PDGFA: variants seen among roughly 807,000 people sequenced by gnomAD.
PDGFA encodes the protein platelet-derived growth factor subunit A.
Under a neutral mutation model 25.6 loss-of-function variants are expected in PDGFA, and 9 were observed. That is an observed-to-expected ratio of 0.35 (90% CI 0.21 to 0.61). The LOEUF is 0.61. Among genes scored for constraint, PDGFA ranks in the 20% least tolerant of loss-of-function variants. The pLI, the probability that PDGFA is intolerant of heterozygous loss-of-function variation, is 0.75. For missense variants in PDGFA, 242 were observed against 272.8 expected (o/e 0.89, Z 0.79); for synonymous variants, 133 against 111.8 (o/e 1.19, Z -1.20).
At chr7:498,103 C>G (rs754840097) in exon 6 of PDGFA, 2 of 159,128 alleles carry the variant, frequency 1.3e-5, no homozygotes, top group African/African-American at 2.4e-5. Context: ...CTGCTTCCTG[C>G]GGGCCCCTGC....
Position 500,947 on chromosome 7 carries a change from C to T in PDGFA, c.580+169G>A, listed in dbSNP as rs779027944. The stretch of plus-strand genomic sequence containing the variant: ...ACCGGACACCTGCAGGTGTGGGATC[C>T]GTCTCCCCCGCAGGCATCTGGCCCG... On this transcript the variant is annotated intron_variant, in intron 5 of 5. Transcript: ENST00000402802. This position sits in a 1 kb window ranked among gnomAD's most constrained non-coding sequence, Gnocchi z 5.0. The T allele has an allele frequency of 1.1e-5, 17 of 1,592,992 alleles. 1 individual carries two copies. Among genetic ancestry groups the T allele is most frequent in the Admixed American group, 8.4e-5 (5 of 59,354 alleles).
chr7:504,969 G>A (rs189782964), intron 4 of PDGFA, among the ~76,000 whole-genome samples: 41 of 152,352 alleles, frequency 2.7e-4, no homozygotes, highest in African/African-American at 4.8e-4. Flanking sequence ...ACGGCCGCTC[G>A]TCTGGGAACC....
intron 2 of PDGFA, among the ~76,000 whole-genome samples, chr7:513,764 C>A (rs761134204): frequency 2.0e-5 from 3 of 152,160 alleles, no homozygotes; most frequent in Non-Finnish European, 2.9e-5. Flanking sequence ...CCTCAGCTTC[C>A]TCCGCACCCC....
intron 2 of PDGFA, among the ~76,000 whole-genome samples, chr7:515,165 A>C (rs1306097896): frequency 1.3e-5 from 2 of 152,226 alleles, no homozygotes; most frequent in Non-Finnish European, 2.9e-5. Context: ...CCTAATGCCA[A>C]GAACATCAGC....
upstream of PDGFA, chr7:520,009 C>T (rs1434753695): frequency 4.0e-5 from 15 of 378,802 alleles, no homozygotes; most frequent in Non-Finnish European, 6.3e-5. Context: ...CGGGCGCCGC[C>T]GCCGCGGCAG....
In PDGFA at chr7:500,767, C is replaced by T; in HGVS notation, c.580+349G>A. On this transcript the variant is annotated intron_variant, in intron 5 of 5. Coordinates refer to ENST00000402802, the Ensembl canonical transcript of PDGFA. This position sits in a 1 kb window ranked among gnomAD's most constrained non-coding sequence, Gnocchi z 5.0. ...GCAACTGCAGTCCTCGAACCTGCTCCTCCCGCCCACCCTGGCAGGAGGCCC... is the reference window on the plus strand; with the variant it reads ...GCAACTGCAGTCCTCGAACCTGCTCTTCCCGCCCACCCTGGCAGGAGGCCC... The T allele has an allele frequency of 6.9e-7, 1 of 1,440,918 alleles. No homozygotes were observed. Among genetic ancestry groups the T allele is most frequent in the Non-Finnish European group, 9.1e-7 (1 of 1,099,768 alleles). The allele number at this position is 1,440,918 out of a possible 1,614,324, so 89.3% of individuals were successfully genotyped here.
chr7:510,715 AG>A, intron 4 of PDGFA, 93 bp downstream of exon 4: 3 of 355,928 alleles, frequency 8.4e-6, no homozygotes, highest in Non-Finnish European at 1.5e-5. Flanking sequence ...TGGGGAGGGG[AG>A]GGGAGGGGAG....
chr7:518,238 G>C (rs1338706811), intron 1 of PDGFA, among the ~76,000 whole-genome samples: 1 of 152,162 alleles, frequency 6.6e-6, no homozygotes, highest in Non-Finnish European at 1.5e-5. Context: ...CGATTTTTAA[G>C]GAGAGTCGGG....
intron 4 of PDGFA, among the ~76,000 whole-genome samples, chr7:507,725 G>A (rs1158860996): frequency 6.6e-6 from 1 of 152,150 alleles, no homozygotes; most frequent in African/African-American, 2.4e-5. Flanking sequence ...ATATAACCAG[G>A]GAGGATGCCA....
chr7:513,625 G>C (rs1782963367), intron 2 of PDGFA, among the ~76,000 whole-genome samples: 1 of 152,130 alleles, frequency 6.6e-6, no homozygotes, highest in East Asian at 1.9e-4. Flanking sequence ...TGGGAAGCTT[G>C]GGAAGTCCCG....
At position 517,339 on chromosome 7, in the gene PDGFA, C is replaced by T; in HGVS notation, c.160+55G>A. ...CCCCGCCCGGCCCCAGCTCGGGGCGCACAGGCCGCCCGCCCGCGCCCTCCC... is the reference window on the plus strand; with the variant it reads ...CCCCGCCCGGCCCCAGCTCGGGGCGTACAGGCCGCCCGCCCGCGCCCTCCC... On this transcript the variant is annotated intron_variant, in intron 2 of 5. Coordinates refer to ENST00000402802, the Ensembl canonical transcript of PDGFA. The surrounding 1 kb of genome is among the most constrained non-coding windows in gnomAD (Gnocchi z 7.4). 1 of 851,642 alleles carries T rather than the reference C, an allele frequency of 1.2e-6. No homozygotes were observed. The highest frequency in any genetic ancestry group is 3.7e-4 in the Middle Eastern group (1 of 2,686). 52.8% of individuals were successfully genotyped at this position (851,642 alleles called of 1,614,324 possible).
chr7:505,206 C>T (rs1264123609), intron 4 of PDGFA, among the ~76,000 whole-genome samples: 1 of 152,166 alleles, frequency 6.6e-6, no homozygotes, highest in Non-Finnish European at 1.5e-5. Context: ...CCTCAGGACC[C>T]CCACGGGGGG....
chr7:500,293 C>G lies in PDGFA; in HGVS notation c.580+823G>C. 1.1e-6 allele frequency: 1 copy of G among 928,510 alleles called. No homozygotes were observed. The highest frequency in any genetic ancestry group is 1.7e-6 in the Non-Finnish European group (1 of 601,630). 57.5% of individuals were successfully genotyped at this position (928,510 alleles called of 1,614,324 possible). On this transcript the variant is annotated intron_variant, in intron 5 of 5. Transcript: ENST00000402802. This position sits in a 1 kb window ranked among gnomAD's most constrained non-coding sequence, Gnocchi z 5.0. ...GGACGGGGAGCAAGGAGACCCAAGCCCAGCAGACACCATCAAGGCCAATCA... is the reference window on the plus strand; with the variant it reads ...GGACGGGGAGCAAGGAGACCCAAGCGCAGCAGACACCATCAAGGCCAATCA...
At chr7:505,577 G>C (rs1220595684) in intron 4 of PDGFA, among the ~76,000 whole-genome samples, 1 of 152,170 alleles carries the variant, frequency 6.6e-6, no homozygotes, top group Non-Finnish European at 1.5e-5. Flanking sequence ...CCAAGACAGA[G>C]TATTAGCCAT....
chr7:519,093 T>C lies in PDGFA; in HGVS notation c.-92A>G, dbSNP rs982267554. On this transcript the variant is annotated 5_prime_UTR_variant, in exon 1 of 6. The change abolishes an upstream ATG in the 5' untranslated region. Coordinates refer to ENST00000402802, the Ensembl canonical transcript of PDGFA. The stretch of plus-strand genomic sequence containing the variant: ...CCTGTGGCGGCGAAATTCAGTACCA[T>C]CCCTTAGGGAGCGCGGCCCGGAGGA... The C allele has an allele frequency of 2.2e-6, 2 of 930,156 alleles. No homozygotes were observed. The highest frequency in any genetic ancestry group is 3.1e-6 in the Non-Finnish European group (2 of 640,210). 57.6% of individuals were successfully genotyped at this position (930,156 alleles called of 1,614,324 possible). A position where few individuals can be genotyped will look rare whatever the true frequency, so the allele number is the denominator to read the frequency against.
intron 3 of PDGFA, among the ~76,000 whole-genome samples, chr7:511,756 C>G (rs372382240): frequency 3.4e-4 from 52 of 151,954 alleles, no homozygotes; most frequent in Non-Finnish European, 6.9e-4. Flanking sequence ...CTGAACTCCC[C>G]AAACCTGCTA....
At chr7:519,914 GCCCCCCC>G (rs758427523), upstream of PDGFA, 1 of 59,406 alleles carries the variant, frequency 1.7e-5, no homozygotes. Context: ...CCCCGCCCCC[GCCCCCCC>G]CCCCCGCCTC....
chr7:499,441 C>T (rs997585039), intron 5 of PDGFA, among the ~76,000 whole-genome samples: 1 of 152,220 alleles, frequency 6.6e-6, no homozygotes. Context: ...TTTGTTTTGG[C>T]CACCATGGAG....
intron 5 of PDGFA, among the ~76,000 whole-genome samples, chr7:499,858 T>A (rs1472389657): frequency 6.6e-6 from 1 of 151,718 alleles, no homozygotes; most frequent in Admixed American, 6.6e-5. Flanking sequence ...TGATGATACC[T>A]CAAGACTACC....
Sources: allele counts gnomAD v4.1 joint callset (sites outside exome capture counted in the v4.1 genomes callset), GRCh38; gene constraint gnomAD v4.1.1; non-coding constraint Gnocchi (gnomAD v3.1); transcripts MANE v1.5; gene names NCBI Gene and HGNC (gene_info 2026-07-23, HGNC 2026-07-21).